The following VPS13B variants were observed in gnomAD, a reference collection of about 807,000 sequenced individuals.
The protein encoded by VPS13B is vacuolar protein sorting 13 homolog B.
A neutral mutation model predicts 426.4 loss-of-function variants in VPS13B; 285 were observed. The ratio of observed to expected loss-of-function variants is 0.67; its 90% CI spans 0.61 to 0.74. The LOEUF (loss-of-function observed/expected upper bound fraction) is 0.74. Among genes scored for constraint, VPS13B ranks in the 30% least tolerant of loss-of-function variants. VPS13B has a pLI of 0.00. For missense variants in VPS13B, 4,537 were observed against 4,782.6 expected (o/e 0.95, Z 1.51); for synonymous variants, 1,676 against 1,676.4 (o/e 1.00, Z 0.01).
At chr8:99,337,203 G>A (rs1036686063) in intron 19 of VPS13B, among the ~76,000 whole-genome samples, 1 of 152,124 alleles carries the variant, frequency 6.6e-6, no homozygotes, top group African/African-American at 2.4e-5. Flanking sequence ...ATGATTTCAT[G>A]TCCTTTGTAG....
Position 99,501,737 on chromosome 8 carries a change from C to T in VPS13B, c.3921C>T (p.Thr1307=). 6.2e-7 allele frequency: 1 copy of T among 1,614,046 alleles called. No homozygotes were observed. The highest frequency in any genetic ancestry group is 8.5e-7 in the Non-Finnish European group (1 of 1,180,008). ...GEESPFSDSV[T]LEQTTSNIGG... is the part of the protein sequence containing the mutation. ...AATCACCATTCTCAGATTCTGTGAC[C>T]TTGGAACAAACTACAAGTAATATTG... The change falls in exon 26 of 62, where the codon ACC becomes ACT. Residue 1307 remains threonine (T), a synonymous_variant. Coordinates refer to ENST00000357162, the MANE Select transcript of VPS13B (RefSeq NM_152564.5).
At position 99,194,534 on chromosome 8, in the gene VPS13B, C is replaced by T. The variant is rs375629833; in HGVS notation, c.2515+1477C>T. ...ACATTTAAGTGAGATCCTGCAGTACCTGGCTTATTTCACTTAGTATAATGT... is the reference window on the plus strand; with the variant it reads ...ACATTTAAGTGAGATCCTGCAGTACTTGGCTTATTTCACTTAGTATAATGT... On this transcript the variant is annotated intron_variant, in intron 17 of 61. Transcript: ENST00000357162. Among the ~76,000 whole-genome samples the T allele has an allele frequency of 4.5e-4, 68 of 152,280 alleles. 1 individual carries two copies. The highest frequency in any genetic ancestry group is 1.5e-3 in the African/African-American group (64 of 41,558).
intron 23 of VPS13B, among the ~76,000 whole-genome samples, chr8:99,455,662 C>G (rs1462764101): frequency 1.3e-5 from 2 of 152,158 alleles, no homozygotes; most frequent in East Asian, 3.9e-4. Context: ...CAACCCTGAT[C>G]TGCTTTCTGT....
chr8:99,151,270 G>A (rs1378224195), intron 14 of VPS13B, among the ~76,000 whole-genome samples: 1 of 152,050 alleles, frequency 6.6e-6, no homozygotes, highest in East Asian at 1.9e-4. Flanking sequence ...TATATTTTGG[G>A]TAACAGTCCT....
intron 39 of VPS13B, among the ~76,000 whole-genome samples, chr8:99,730,765 G>A (rs527498240): frequency 6.6e-6 from 1 of 151,458 alleles, no homozygotes; most frequent in South Asian, 2.1e-4. Context: ...ACAGGTACAG[G>A]TACCTCCTGA....
intron 39 of VPS13B, among the ~76,000 whole-genome samples, chr8:99,756,043 T>A (rs1810624879): frequency 6.6e-6 from 1 of 152,066 alleles, no homozygotes; most frequent in Non-Finnish European, 1.5e-5. Flanking sequence ...GACAAATACT[T>A]GAAATCACCT....
chr8:99,876,734 T>A lies in VPS13B; in HGVS notation c.*1068T>A, dbSNP rs1036525240. 4 of 152,230 alleles carry A rather than the reference T, an allele frequency of 2.6e-5. No individual in the cohort carries two copies. The highest frequency in any genetic ancestry group is 2.6e-4 in the Admixed American group (4 of 15,290). 9.4% of individuals were successfully genotyped at this position (152,230 alleles called of 1,614,324 possible). A position where few individuals can be genotyped will look rare whatever the true frequency, so the allele number is the denominator to read the frequency against. On this transcript the variant is annotated 3_prime_UTR_variant, in exon 62 of 62. Coordinates refer to ENST00000357162, the MANE Select transcript of VPS13B (RefSeq NM_152564.5). ...TGTCTTAAATGTTCAGTAAATATCTTTCTTACAGTCCAGTAGCTTAGAGCA... is the reference window on the plus strand; with the variant it reads ...TGTCTTAAATGTTCAGTAAATATCTATCTTACAGTCCAGTAGCTTAGAGCA...
intron 17 of VPS13B, among the ~76,000 whole-genome samples, chr8:99,217,025 G>A (rs1815427747): frequency 6.6e-6 from 1 of 151,954 alleles, no homozygotes; most frequent in Non-Finnish European, 1.5e-5. Flanking sequence ...CTATTGTACT[G>A]GTACTAGTTT....
At chr8:99,082,202 C>T (rs1407230259) in intron 3 of VPS13B, among the ~76,000 whole-genome samples, 1 of 152,204 alleles carries the variant, frequency 6.6e-6, no homozygotes, top group Non-Finnish European at 1.5e-5. Context: ...TTGCATTTCT[C>T]TGATGGCCAG....
At chr8:99,625,596 T>G (rs1005605828) in intron 33 of VPS13B, among the ~76,000 whole-genome samples, 3 of 152,052 alleles carry the variant, frequency 2.0e-5, no homozygotes, top group African/African-American at 7.2e-5. Flanking sequence ...GGCTCACACC[T>G]GTAATCCTAA....
At chr8:99,602,527 G>A (rs563083301) in intron 33 of VPS13B, among the ~76,000 whole-genome samples, 160 of 152,116 alleles carry the variant, frequency 1.1e-3, no homozygotes, top group African/African-American at 3.7e-3. Context: ...TGGAAGTTCT[G>A]GCCAGGGCAA....
At chr8:99,435,457 T>G (rs1817320857) in intron 22 of VPS13B, among the ~76,000 whole-genome samples, 1 of 152,158 alleles carries the variant, frequency 6.6e-6, no homozygotes, top group Non-Finnish European at 1.5e-5. Flanking sequence ...TATTCCAATT[T>G]AAGATTCCAA....
intron 14 of VPS13B, among the ~76,000 whole-genome samples, chr8:99,149,110 G>A (rs1422424647): frequency 6.6e-6 from 1 of 152,182 alleles, no homozygotes; most frequent in African/African-American, 2.4e-5. Flanking sequence ...AACATTATCA[G>A]GATGCTGGTA....
At chr8:99,451,160 A>T (rs1357309329) in intron 23 of VPS13B, among the ~76,000 whole-genome samples, 2 of 152,184 alleles carry the variant, frequency 1.3e-5, no homozygotes, top group Non-Finnish European at 2.9e-5. Context: ...AACATAATCT[A>T]CAACTTTACA....
Position 99,151,101 on chromosome 8 carries a change from T to A in VPS13B, c.2013+3091T>A, listed in dbSNP as rs531093598. On this transcript the variant is annotated intron_variant, in intron 14 of 61. Transcript: ENST00000357162. ...CTAAGACATGTGTAATGGTGTCTTATTGTTTTGATTTTTTATTTCCTTGAT... is the reference window on the plus strand; with the variant it reads ...CTAAGACATGTGTAATGGTGTCTTAATGTTTTGATTTTTTATTTCCTTGAT... Among the ~76,000 whole-genome samples, 7 of 146,176 alleles carry A rather than the reference T, an allele frequency of 4.8e-5. No homozygotes were observed. The East Asian group carries it at 1.6e-3, about 33-fold the overall frequency.
intron 14 of VPS13B, among the ~76,000 whole-genome samples, chr8:99,148,538 A>C (rs1181655730): frequency 1.3e-5 from 2 of 152,162 alleles, no homozygotes; most frequent in African/African-American, 2.4e-5. Flanking sequence ...AATGTTGAAG[A>C]ATATGGGCCT....
chr8:99,767,648 G>A (rs1811293947), intron 40 of VPS13B, among the ~76,000 whole-genome samples: 3 of 152,124 alleles, frequency 2.0e-5, no homozygotes, highest in Non-Finnish European at 2.9e-5. Flanking sequence ...CCTAGAGCTG[G>A]CCGGGCACAG....
chr8:99,189,637 GT>G (rs1358999866), intron 16 of VPS13B, among the ~76,000 whole-genome samples: 14 of 151,614 alleles, frequency 9.2e-5, no homozygotes, highest in Non-Finnish European at 5.9e-5. Context: ...GCCCTTTCCT[GT>G]TACTGATATC....
intron 29 of VPS13B, among the ~76,000 whole-genome samples, chr8:99,514,437 G>A (rs1403570289): frequency 6.6e-6 from 1 of 152,074 alleles, no homozygotes; most frequent in Non-Finnish European, 1.5e-5. Flanking sequence ...TAGCCATTAA[G>A]TAATAGCTAC....
Sources: allele counts gnomAD v4.1 joint callset (sites outside exome capture counted in the v4.1 genomes callset), GRCh38; gene constraint gnomAD v4.1.1; transcripts MANE v1.5; gene names NCBI Gene and HGNC (gene_info 2026-07-23, HGNC 2026-07-21).